The following CSMD1 variants were observed in gnomAD, a reference collection of about 807,000 sequenced individuals.
CSMD1 encodes the protein CUB and sushi domain-containing protein 1.
CSMD1 carries 213 observed loss-of-function variants against 417.5 expected under a neutral mutation model. That is an observed-to-expected ratio of 0.51 (90% CI 0.46 to 0.57). CSMD1 has a LOEUF of 0.57. CSMD1 is among the 20% of genes least tolerant of loss of function. CSMD1 has a pLI of 0.00. For missense variants in CSMD1, 6,923 were observed against 4,529.7 expected, an observed-to-expected ratio of 1.53 and a Z score of -15.17; for synonymous variants, 2,862 against 1,736.8, an observed-to-expected ratio of 1.65 and a Z score of -16.11.
chr8:4,621,901 G>C (rs1486429632), intron 2 of CSMD1, among the ~76,000 whole-genome samples: 2 of 151,756 alleles, frequency 1.3e-5, no homozygotes, highest in Non-Finnish European at 1.5e-5. Flanking sequence ...CAATGTAATT[G>C]AACATATAAA....
intron 1 of CSMD1, among the ~76,000 whole-genome samples, chr8:4,854,599 G>C (rs904998834): frequency 1.3e-4 from 20 of 152,208 alleles, no homozygotes; most frequent in African/African-American, 4.8e-4. Flanking sequence ...TGCCTCACTT[G>C]GGAAGCGGAA....
At chr8:4,093,570 G>T (rs1168290777) in intron 3 of CSMD1, among the ~76,000 whole-genome samples, 1 of 152,090 alleles carries the variant, frequency 6.6e-6, no homozygotes, top group Non-Finnish European at 1.5e-5. Flanking sequence ...ACACCACATT[G>T]AAAAAAAGTG....
intron 1 of CSMD1, among the ~76,000 whole-genome samples, chr8:4,802,925 C>G (rs747347542): frequency 3.9e-5 from 6 of 152,078 alleles, no homozygotes; most frequent in Non-Finnish European, 7.3e-5. Flanking sequence ...TGGAGAGAGG[C>G]AGAATAAAGT....
rs915714350 is a variant in CSMD1, at chr8:4,155,561, G to A, written c.416-123462C>T. On this transcript the variant is annotated intron_variant, in intron 3 of 69. Coordinates refer to ENST00000635120, the MANE Select transcript of CSMD1 (RefSeq NM_033225.6). Reference sequence around the variant, plus strand: ...TAAGTCTTAGGCCATGTCTTAGAACGAACGTTCTTATCTTTAAATTGTGAG... The same window carrying A: ...TAAGTCTTAGGCCATGTCTTAGAACAAACGTTCTTATCTTTAAATTGTGAG... Among the ~76,000 whole-genome samples, 9 of 152,234 alleles carry A rather than the reference G, an allele frequency of 5.9e-5. No homozygotes were observed. In the East Asian group the frequency reaches 9.6e-4, roughly 16 times the overall value.
rs1384572194 is a variant in CSMD1 at position 4,062,947 on chromosome 8, G to C, written c.416-30848C>G. On this transcript the variant is annotated intron_variant, in intron 3 of 69. Coordinates refer to ENST00000635120, the MANE Select transcript of CSMD1 (RefSeq NM_033225.6). ...AAAAAATTCTTCTATATAAAAAGCT[G>C]TTAACAACATCATCCAGATAAAGGA... 2.6e-5 allele frequency among the ~76,000 whole-genome samples: 4 copies of C among 151,778 alleles called. 1 individual carries two copies. Among genetic ancestry groups the C allele is most frequent in the African/African-American group, 7.3e-5 (3 of 41,320 alleles).
chr8:4,304,169 C>T (rs1450170487), intron 3 of CSMD1, among the ~76,000 whole-genome samples: 1 of 151,996 alleles, frequency 6.6e-6, no homozygotes, highest in Non-Finnish European at 1.5e-5. Flanking sequence ...GGACATAAAC[C>T]AATTCAAATT....
At chr8:4,055,151 T>C (rs963717588) in intron 3 of CSMD1, among the ~76,000 whole-genome samples, 1 of 152,212 alleles carries the variant, frequency 6.6e-6, no homozygotes, top group Non-Finnish European at 1.5e-5. Flanking sequence ...CTTCAGAAAC[T>C]GTTTGAAATA....
At chr8:3,221,172 G>A (rs1221919706) in intron 28 of CSMD1, among the ~76,000 whole-genome samples, 2 of 152,142 alleles carry the variant, frequency 1.3e-5, no homozygotes, top group African/African-American at 4.8e-5. Context: ...ACGTGGTACC[G>A]CCAGCATCGG....
At position 3,308,176 on chromosome 8, in the gene CSMD1, C is replaced by G. The variant is rs149181215; in HGVS notation, c.3823+136G>C. On this transcript the variant is annotated intron_variant, in intron 24 of 69. Transcript: ENST00000635120. Reference sequence around the variant, plus strand: ...CACACACTCACAGACACGTGCAAATCTCAGAATACATAAAACTCACACTGG... The same window carrying G: ...CACACACTCACAGACACGTGCAAATGTCAGAATACATAAAACTCACACTGG... The G allele has an allele frequency of 1.2e-4, 86 of 700,074 alleles. No homozygotes were observed. The African/African-American group carries it at 1.4e-3, about 11-fold the overall frequency. The allele number at this position is 700,074 out of a possible 1,614,324, so 43.4% of individuals were successfully genotyped here. A position where few individuals can be genotyped will look rare whatever the true frequency, so the allele number is the denominator to read the frequency against.
intron 6 of CSMD1, among the ~76,000 whole-genome samples, chr8:3,735,984 T>A (rs563287850): frequency 1.3e-5 from 2 of 151,804 alleles, no homozygotes; most frequent in African/African-American, 4.8e-5. Flanking sequence ...AAATACATGG[T>A]TTTCAGTGGG....
chr8:3,919,817 G>A (rs2975327), intron 5 of CSMD1, among the ~76,000 whole-genome samples: 3 of 151,650 alleles, frequency 2.0e-5, no homozygotes, highest in Non-Finnish European at 2.9e-5. Context: ...CATAAATATT[G>A]TATAATTTTC....
At chr8:4,733,376 A>G (rs1209821559) in intron 1 of CSMD1, among the ~76,000 whole-genome samples, 1 of 152,222 alleles carries the variant, frequency 6.6e-6, no homozygotes, top group Non-Finnish European at 1.5e-5. Flanking sequence ...CTAGCAGGTT[A>G]TAGTGACTCA....
intron 7 of CSMD1, among the ~76,000 whole-genome samples, chr8:3,636,925 A>G (rs1182172767): frequency 6.6e-6 from 1 of 152,140 alleles, no homozygotes; most frequent in Admixed American, 6.6e-5. Context: ...GCCCTCATGA[A>G]TGAATTAGTA....
intron 1 of CSMD1, among the ~76,000 whole-genome samples, chr8:4,722,539 G>C (rs10108060): frequency 0.48 from 72,691 of 151,572 alleles, 19,943 homozygotes; most frequent in East Asian, 0.7. Context: ...GCTCTGAATG[G>C]GGTAGAACTT....
At chr8:4,297,317 A>T (rs543834509) in intron 3 of CSMD1, among the ~76,000 whole-genome samples, 59 of 152,188 alleles carry the variant, frequency 3.9e-4, no homozygotes, top group African/African-American at 1.4e-3. Flanking sequence ...CTGAGAGAAA[A>T]CCTGTTTAAT....
chr8:4,671,696 A>T (rs979872415), intron 1 of CSMD1, among the ~76,000 whole-genome samples: 1 of 152,012 alleles, frequency 6.6e-6, no homozygotes, highest in African/African-American at 2.4e-5. Flanking sequence ...ATTTTTTCTT[A>T]CCTCAAAATA....
chr8:3,577,224 T>G (rs1371014227), intron 9 of CSMD1, among the ~76,000 whole-genome samples: 3 of 143,456 alleles, frequency 2.1e-5, no homozygotes, highest in African/African-American at 7.6e-5. Context: ...CAGCATCTCA[T>G]GAAATGCATC....
At chr8:4,602,189 T>C (rs1800626102) in intron 2 of CSMD1, among the ~76,000 whole-genome samples, 1 of 152,186 alleles carries the variant, frequency 6.6e-6, no homozygotes, top group Non-Finnish European at 1.5e-5. Context: ...TTATTTCATG[T>C]CTTGAGGCAT....
intron 30 of CSMD1, among the ~76,000 whole-genome samples, chr8:3,206,460 TGGGGGGG>T (rs1797277567): frequency 1.4e-4 from 2 of 14,442 alleles, no homozygotes; most frequent in African/African-American, 5.0e-4. Flanking sequence ...TATGTGTGTG[TGGGGGGG>T]TTATGTCTGT....
Sources: gnomAD v4.1 joint callset for allele counts (sites outside exome capture counted in the v4.1 genomes callset) on GRCh38, gnomAD v4.1.1 for gene constraint, MANE v1.5 for transcripts, NCBI Gene and HGNC (gene_info 2026-07-23, HGNC 2026-07-21) for gene names.